Variants in KAT6B observed in about 807,000 individuals in gnomAD.
KAT6B encodes the protein histone acetyltransferase KAT6B.
A neutral mutation model predicts 187.5 loss-of-function variants in KAT6B; 10 were observed. The ratio of observed to expected loss-of-function variants is 0.05; its 90% confidence interval spans 0.03 to 0.09. The LOEUF (loss-of-function observed/expected upper bound fraction) is 0.09, where lower values mean the gene tolerates loss of function less well. Among genes scored for constraint, KAT6B ranks in the 10% least tolerant of loss-of-function variants. The probability of loss-of-function intolerance (pLI) is 1.00; values close to 1 mark genes in which losing one functional copy is unlikely to be tolerated. For missense variants in KAT6B, 1,952 were observed against 2,558.9 expected, an observed-to-expected ratio of 0.76 and a Z score of 5.12; for synonymous variants, 861 against 926.8, an observed-to-expected ratio of 0.93 and a Z score of 1.29.
intron 3 of KAT6B, among the ~76,000 whole-genome samples, chr10:74,856,417 A>G (rs530942651): frequency 1.3e-5 from 2 of 152,168 alleles, no homozygotes; most frequent in African/African-American, 4.8e-5. Flanking sequence ...GGATCCAACC[A>G]AAGATCATAT....
At chr10:74,942,568 C>G (rs1849749239) in intron 3 of KAT6B, among the ~76,000 whole-genome samples, 1 of 151,782 alleles carries the variant, frequency 6.6e-6, no homozygotes, top group Admixed American at 6.6e-5. Context: ...GAGTTCGAGA[C>G]CAGCCTGACC....
rs1844444609 is a variant in KAT6B, at chr10:75,009,478, T to C, written c.2630-11104T>C. Among the ~76,000 whole-genome samples the C allele has an allele frequency of 3.3e-5, 5 of 152,256 alleles. No homozygotes were observed. The South Asian group carries it at 1.0e-3, about 32-fold the overall frequency. On this transcript the variant is annotated intron_variant, in intron 13 of 17. Transcript: ENST00000287239. ...TCTCATGGGGATAATATTAGTATAT[T>C]GTGGTGAAGCTCTGCTAATATTAAT...
intron 3 of KAT6B, among the ~76,000 whole-genome samples, chr10:74,920,458 C>T (rs1256649031): frequency 6.6e-6 from 1 of 152,164 alleles, no homozygotes; most frequent in Non-Finnish European, 1.5e-5. Context: ...CAATTTTTGA[C>T]CGAAAATTCA....
At chr10:74,955,689 T>G (rs1386564749) in intron 3 of KAT6B, among the ~76,000 whole-genome samples, 2 of 152,138 alleles carry the variant, frequency 1.3e-5, no homozygotes, top group African/African-American at 4.8e-5. Flanking sequence ...TCAACATATA[T>G]CTGCTAAAAA....
At position 74,975,897 on chromosome 10, in the gene KAT6B, G is replaced by T; in HGVS notation, c.1560G>T (p.Gln520His). Residue 520 changes from glutamine (Q) to histidine (H), a missense_variant, in exon 8 of 18, where the codon CAG (glutamine) becomes CAT (histidine). Coordinates refer to ENST00000287239, the MANE Select transcript of KAT6B (RefSeq NM_012330.4). Reference sequence around the variant, plus strand: ...CGGCCACTTCTTCTCCCTCTCCCCAGAGTTCTTCCAGCCAGTGCAGTGTGC... The same window carrying T: ...CGGCCACTTCTTCTCCCTCTCCCCATAGTTCTTCCAGCCAGTGCAGTGTGC... ...SSTATSSPSPQSSSSQCSVPS... is the reference protein window; with the variant it reads ...SSTATSSPSPHSSSSQCSVPS... 2 of 1,614,036 alleles carry T rather than the reference G, an allele frequency of 1.2e-6. No homozygotes were observed. Among genetic ancestry groups the T allele is most frequent in the Non-Finnish European group, 1.7e-6 (2 of 1,180,006 alleles).
intron 3 of KAT6B, among the ~76,000 whole-genome samples, chr10:74,877,417 T>TA (rs1844503161): frequency 6.6e-6 from 1 of 152,222 alleles, no homozygotes; most frequent in Non-Finnish European, 1.5e-5. Context: ...ACTGCAGTTT[T>TA]AAAAAATATT....
chr10:74,895,553 T>G (rs1206536153), intron 3 of KAT6B, among the ~76,000 whole-genome samples: 1 of 152,126 alleles, frequency 6.6e-6, no homozygotes, highest in Non-Finnish European at 1.5e-5. Flanking sequence ...ATTCCTTATT[T>G]TTTTGAGGCA....
intron 3 of KAT6B, among the ~76,000 whole-genome samples, chr10:74,952,043 G>A (rs889266082): frequency 6.6e-6 from 1 of 152,126 alleles, no homozygotes; most frequent in African/African-American, 2.4e-5. Flanking sequence ...AATGGTCAGT[G>A]CAATGAAGAA....
chr10:74,836,664 A>T (rs1841331537), intron 1 of KAT6B, among the ~76,000 whole-genome samples: 1 of 152,214 alleles, frequency 6.6e-6, no homozygotes, highest in African/African-American at 2.4e-5. Flanking sequence ...CAGACAACAG[A>T]TATTTGTTAA....
At chr10:74,830,115 TG>T (rs1840638029) in intron 1 of KAT6B, among the ~76,000 whole-genome samples, 1 of 151,966 alleles carries the variant, frequency 6.6e-6, no homozygotes. Flanking sequence ...AAATGATGCG[TG>T]GATGAGAGAA....
chr10:74,991,004 T>C (rs893064547), intron 13 of KAT6B, among the ~76,000 whole-genome samples: 4 of 152,196 alleles, frequency 2.6e-5, no homozygotes, highest in Non-Finnish European at 5.9e-5. Flanking sequence ...ACCTCGTCCT[T>C]TCCTAGACTC....
At chr10:74,874,351 T>C (rs760407692) in intron 3 of KAT6B, among the ~76,000 whole-genome samples, 6 of 152,134 alleles carry the variant, frequency 3.9e-5, no homozygotes, top group Non-Finnish European at 5.9e-5. Flanking sequence ...GTCAGTTTCT[T>C]AGTTGTTTTC....
chr10:75,024,861 A>G, intron 16 of KAT6B, 97 bp from the exon 17 acceptor site: 1 of 1,143,324 alleles, frequency 8.7e-7, no homozygotes, highest in Non-Finnish European at 1.3e-6. Context: ...CACGTGTAAG[A>G]TTCTCAGACA....
intron 12 of KAT6B, 31 bp from the exon 13 acceptor site, chr10:74,988,988 G>A: frequency 2.0e-6 from 3 of 1,489,892 alleles, no homozygotes; most frequent in Non-Finnish European, 2.8e-6. Context: ...GCAGGGCTCT[G>A]ACATACTTGA....
In KAT6B at chr10:74,827,389, A is replaced by G. The variant is rs564596330; in HGVS notation, c.-329+604A>G. ...GAGTGTTGGGTTTGGGGAGGCGTTG[A>G]GGGGTTTGGGGAGGCATTGAGGCGC... is the stretch of plus-strand genomic sequence containing the variant. On this transcript the variant is annotated intron_variant, in intron 1 of 17. Transcript: ENST00000287239. 3.3e-3 allele frequency: 490 copies of G among 150,132 alleles called. 6 individuals carry two copies. The highest frequency in any genetic ancestry group is 8.0e-3 in the Admixed American group (121 of 15,076). The allele number at this position is 150,132 out of a possible 1,614,324, so 9.3% of individuals were successfully genotyped here.
At chr10:74,862,500 G>T (rs1843251186) in intron 3 of KAT6B, among the ~76,000 whole-genome samples, 1 of 152,168 alleles carries the variant, frequency 6.6e-6, no homozygotes, top group African/African-American at 2.4e-5. Flanking sequence ...TGGAGTGGGA[G>T]TCAGGCATTA....
At chr10:74,902,798 C>T (rs995508814) in intron 3 of KAT6B, among the ~76,000 whole-genome samples, 5 of 152,158 alleles carry the variant, frequency 3.3e-5, no homozygotes, top group Admixed American at 6.5e-5. Flanking sequence ...AGTGTGGCAT[C>T]ATTAATCATG....
At chr10:74,938,444 A>G (rs1414566889) in intron 3 of KAT6B, among the ~76,000 whole-genome samples, 1 of 152,130 alleles carries the variant, frequency 6.6e-6, no homozygotes, top group African/African-American at 2.4e-5. Flanking sequence ...TAGATAGGGC[A>G]GGTAATTGGA....
chr10:74,894,412 A>G (rs1371483137), intron 3 of KAT6B, among the ~76,000 whole-genome samples: 2 of 152,174 alleles, frequency 1.3e-5, no homozygotes, highest in East Asian at 3.8e-4. Flanking sequence ...TTTGTTGATT[A>G]TGGTTTAAAA....
Sources: allele counts gnomAD v4.1 joint callset (sites outside exome capture counted in the v4.1 genomes callset), GRCh38; gene constraint gnomAD v4.1.1; transcripts MANE v1.5; gene names NCBI Gene and HGNC (gene_info 2026-07-23, HGNC 2026-07-21).